The following MOCS1 variants were observed in gnomAD, a reference collection of about 807,000 sequenced individuals.
The protein encoded by MOCS1 is molybdenum cofactor biosynthesis protein 1.
MOCS1 carries 39 observed loss-of-function variants against 57.6 expected under a neutral mutation model. The observed-to-expected ratio is 0.68, with a 90% confidence interval of 0.52 to 0.88. The LOEUF (loss-of-function observed/expected upper bound fraction) is 0.88. Among genes scored for constraint, MOCS1 ranks in the 40% least tolerant of loss-of-function variants. The probability of loss-of-function intolerance (pLI) is 0.00; values close to 1 mark genes in which losing one functional copy is unlikely to be tolerated. For synonymous variants in MOCS1, 334 were observed against 335.7 expected (o/e 1.00, Z 0.05); for missense variants, 795 against 831.1 (o/e 0.96, Z 0.53).
intron 5 of MOCS1, 116 bp downstream of exon 5, chr6:39,913,658 T>C: frequency 8.2e-7 from 1 of 1,217,712 alleles, no homozygotes; most frequent in Non-Finnish European, 1.2e-6. Flanking sequence ...AGGGTGCACG[T>C]ACTTCAGCCA....
At chr6:39,934,009 C>T (rs1374367180) in intron 1 of MOCS1, among the ~76,000 whole-genome samples, 2 of 152,056 alleles carry the variant, frequency 1.3e-5, no homozygotes. Flanking sequence ...GACCCAAAGT[C>T]CCAGTCCTCT....
chr6:39,913,846 G>A lies in MOCS1; in HGVS notation c.584-11C>T. ...TGACCTTGTGGAAGCCTGGGAGGGAGAAACAAGGATCCAGGAACTTCTGTC... is the reference window on the plus strand; with the variant it reads ...TGACCTTGTGGAAGCCTGGGAGGGAAAAACAAGGATCCAGGAACTTCTGTC... On this transcript the variant is annotated splice_polypyrimidine_tract_variant and intron_variant, in intron 4 of 10. Transcript: ENST00000340692. 1 of 1,613,970 alleles carries A rather than the reference G, an allele frequency of 6.2e-7. No homozygotes were observed. The highest frequency in any genetic ancestry group is 8.5e-7 in the Non-Finnish European group (1 of 1,179,826).
intron 10 of MOCS1, among the ~76,000 whole-genome samples, chr6:39,908,824 T>A (rs541476222): frequency 6.6e-6 from 1 of 152,176 alleles, no homozygotes; most frequent in South Asian, 2.1e-4. Flanking sequence ...TGATGTCTGG[T>A]GAGACAGAAG....
chr6:39,905,295 A>AAAG lies in MOCS1; in HGVS notation c.*1059_*1061dup, dbSNP rs1262980887. On this transcript the variant is annotated 3_prime_UTR_variant, in exon 11 of 11. Transcript: ENST00000340692. ...GAACACCCCTGGCCACCACCTGACA[A>AAAG]AAGATTTCCCTTAGATGGTGCATTT... is the stretch of plus-strand genomic sequence containing the variant. 5 of 455,068 alleles carry AAAG rather than the reference A, an allele frequency of 1.1e-5. No individual in the cohort carries two copies. The highest frequency in any genetic ancestry group is 4.8e-4 in the Middle Eastern group (1 of 2,084). The allele number at this position is 455,068 out of a possible 1,614,324, so 28.2% of individuals were successfully genotyped here. A position where few individuals can be genotyped will look rare whatever the true frequency, so the allele number is the denominator to read the frequency against.
intron 1 of MOCS1, among the ~76,000 whole-genome samples, chr6:39,933,153 A>C (rs917546972): frequency 6.6e-6 from 1 of 151,992 alleles, no homozygotes; most frequent in Non-Finnish European, 1.5e-5. Context: ...CTCACCTCAC[A>C]TGGCTTAGTG....
Position 39,905,170 on chromosome 6 carries a change from A to G in MOCS1, c.*1187T>C. ...AGACATCCAAGTTAGAGAGCCCAGC[A>G]GGCCAGAACTGTGTGTGTTTGGGAT... On this transcript the variant is annotated 3_prime_UTR_variant, in exon 11 of 11. Transcript: ENST00000340692. 1 of 454,332 alleles carries G rather than the reference A, an allele frequency of 2.2e-6. No homozygotes were observed. The allele number at this position is 454,332 out of a possible 1,614,324, so 28.1% of individuals were successfully genotyped here. A position where few individuals can be genotyped will look rare whatever the true frequency, so the allele number is the denominator to read the frequency against.
intron 3 of MOCS1, among the ~76,000 whole-genome samples, chr6:39,922,584 A>C (rs1464816080): frequency 6.6e-6 from 1 of 152,060 alleles, no homozygotes; most frequent in Non-Finnish European, 1.5e-5. Context: ...AATGCTTTAA[A>C]CCCATCTCAG....
rs939984618 is a variant in MOCS1 at position 39,930,485 on chromosome 6, G to A, written c.124-3030C>T. ...TTGAATCACATGAACAAATAGTCCTGTCCCTAATGTAAGCAGAAAGGTCGT... is the reference window on the plus strand; with the variant it reads ...TTGAATCACATGAACAAATAGTCCTATCCCTAATGTAAGCAGAAAGGTCGT... On this transcript the variant is annotated intron_variant, in intron 1 of 10. Transcript: ENST00000340692. Among the ~76,000 whole-genome samples the A allele has an allele frequency of 3.3e-5, 5 of 152,266 alleles. No individual in the cohort carries two copies. The East Asian group carries it at 9.7e-4, about 29-fold the overall frequency.
chr6:39,931,084 C>T (rs144251453), intron 1 of MOCS1, among the ~76,000 whole-genome samples: 3 of 152,314 alleles, frequency 2.0e-5, no homozygotes, highest in African/African-American at 7.2e-5. Context: ...AAAGCTGCTG[C>T]CACACCACCC....
At chr6:39,929,663 G>T (rs1481351618) in intron 1 of MOCS1, among the ~76,000 whole-genome samples, 1 of 151,968 alleles carries the variant, frequency 6.6e-6, no homozygotes, top group Non-Finnish European at 1.5e-5. Context: ...ATTAGGGGCC[G>T]GGTGTGGTGG....
At chr6:39,908,089 G>C (rs1300759670) in intron 10 of MOCS1, among the ~76,000 whole-genome samples, 1 of 152,210 alleles carries the variant, frequency 6.6e-6, no homozygotes, top group East Asian at 1.9e-4. Context: ...TTGGATGCTG[G>C]GGGTGGGAGG....
intron 10 of MOCS1, 132 bp from the exon 11 acceptor site, chr6:39,907,249 A>C: frequency 2.0e-6 from 2 of 1,014,546 alleles, no homozygotes; most frequent in Non-Finnish European, 2.8e-6. Flanking sequence ...AATGAAGAAC[A>C]AAAAGCATAG....
In MOCS1 at chr6:39,909,927, G is replaced by A. The variant is rs774245261; in HGVS notation, c.1010C>T (p.Ser337Phe). ...KVCLFGNSEV[S>F]LRDHLRAGAS... is the part of the protein sequence containing the mutation. ...CCCAGCTCGCAGGTGATCCCGCAGG[G>A]ATACCTCAGAGTTTCCAAAGAGGCA... The change falls in exon 9 of 11, where the codon TCC becomes TTC. Residue 337 changes from serine (S) to phenylalanine (F), a missense_variant. Ser to Phe is a radical substitution (Grantham distance 155). This residue lies in a region of MOCS1 where 374 missense variants were observed against 422.6 expected (regional missense o/e 0.89). Transcript: ENST00000340692. 1.2e-6 allele frequency: 2 copies of A among 1,613,760 alleles called. No homozygotes were observed. Among genetic ancestry groups the A allele is most frequent in the Admixed American group, 1.7e-5 (1 of 60,024 alleles).
chr6:39,911,288 T>C (rs1225100445), intron 8 of MOCS1, among the ~76,000 whole-genome samples: 1 of 152,162 alleles, frequency 6.6e-6, no homozygotes, highest in Non-Finnish European at 1.5e-5. Context: ...TCAAACTGCA[T>C]GCATCTAAAC....
At chr6:39,923,559 A>C (rs1354110206) in intron 3 of MOCS1, among the ~76,000 whole-genome samples, 1 of 152,244 alleles carries the variant, frequency 6.6e-6, no homozygotes, top group African/African-American at 2.4e-5. Context: ...CAGGGAGAGG[A>C]AGTGGCCTGG....
intron 1 of MOCS1, among the ~76,000 whole-genome samples, chr6:39,931,845 A>G (rs1309287684): frequency 6.6e-6 from 1 of 152,122 alleles, no homozygotes; most frequent in Admixed American, 6.5e-5. Flanking sequence ...TTGTTGCCCA[A>G]CAAAGCCTGC....
Position 39,918,850 on chromosome 6 carries a change from AT to A in MOCS1, c.419-2619del, listed in dbSNP as rs1326180382. On this transcript the variant is annotated intron_variant, in intron 3 of 10. Transcript: ENST00000340692. Reference sequence around the variant, plus strand: ...TAAATTACTTTTGTAAAAAAAAAAAATAATAAAGTTTACAAATAAGAGCTGT... The same window carrying A: ...TAAATTACTTTTGTAAAAAAAAAAAAAATAAAGTTTACAAATAAGAGCTGT... 5.9e-5 allele frequency among the ~76,000 whole-genome samples: 9 copies of A among 151,960 alleles called. 1 individual carries two copies. The East Asian group carries it at 9.8e-4, about 16-fold the overall frequency.
chr6:39,920,962 C>T (rs1767931388), intron 3 of MOCS1, among the ~76,000 whole-genome samples: 1 of 148,292 alleles, frequency 6.7e-6, no homozygotes, highest in African/African-American at 2.5e-5. Flanking sequence ...GGCAACAGAG[C>T]TAGATCCGGT....
chr6:39,917,769 C>G (rs534782009), intron 3 of MOCS1, among the ~76,000 whole-genome samples: 1 of 152,236 alleles, frequency 6.6e-6, no homozygotes, highest in South Asian at 2.1e-4. Flanking sequence ...AATATTCAAT[C>G]TTGAAAATAA....
Sources: allele counts gnomAD v4.1 joint callset (sites outside exome capture counted in the v4.1 genomes callset), GRCh38; gene constraint gnomAD v4.1.1; regional missense constraint gnomAD v4.1.1; transcripts MANE v1.5; gene names NCBI Gene and HGNC (gene_info 2026-07-23, HGNC 2026-07-21).